CAMK1D: variants seen among roughly 807,000 people sequenced by gnomAD.
CAMK1D encodes calcium/calmodulin-dependent protein kinase type 1D.
In CAMK1D, 9 loss-of-function variants were observed where a neutral mutation model predicts 47.7. The observed-to-expected ratio is 0.19, with a 90% CI of 0.11 to 0.33. The LOEUF is 0.33. CAMK1D is among the 10% of genes least tolerant of loss of function. CAMK1D has a pLI of 1.00. For missense variants in CAMK1D, 291 were observed against 488.7 expected, an observed-to-expected ratio of 0.60 and a Z score of 3.81; for synonymous variants, 184 against 184.9, an observed-to-expected ratio of 0.99 and a Z score of 0.04.
intron 1 of CAMK1D, among the ~76,000 whole-genome samples, chr10:12,452,082 C>T (rs1269480854): frequency 1.3e-5 from 2 of 152,048 alleles, no homozygotes; most frequent in Non-Finnish European, 2.9e-5. Context: ...GTGGAGCAGG[C>T]GAGTCAGGTG....
intron 6 of CAMK1D, among the ~76,000 whole-genome samples, chr10:12,794,740 G>A (rs1396438256): frequency 6.6e-6 from 1 of 152,064 alleles, no homozygotes; most frequent in African/African-American, 2.4e-5. Context: ...AACTCTGTGA[G>A]TCCCAAGCAG....
intron 1 of CAMK1D, among the ~76,000 whole-genome samples, chr10:12,535,679 G>C (rs1285137830): frequency 6.6e-6 from 1 of 152,170 alleles, no homozygotes; most frequent in Non-Finnish European, 1.5e-5. Flanking sequence ...CTCAAATGTG[G>C]CTACTTCATG....
At chr10:12,389,372 A>C (rs972636764) in intron 1 of CAMK1D, among the ~76,000 whole-genome samples, 1 of 152,068 alleles carries the variant, frequency 6.6e-6, no homozygotes, top group African/African-American at 2.4e-5. Context: ...CCATCCCGAC[A>C]CTGCTCTCCT....
chr10:12,503,123 CAT>C (rs1834757322), intron 1 of CAMK1D, among the ~76,000 whole-genome samples: 3 of 152,272 alleles, frequency 2.0e-5, no homozygotes, highest in South Asian at 4.1e-4. Flanking sequence ...CGTGTGTACA[CAT>C]ATACATGTGC....
chr10:12,487,204 T>C (rs554774344), intron 1 of CAMK1D, among the ~76,000 whole-genome samples: 100 of 152,284 alleles, frequency 6.6e-4, no homozygotes, highest in African/African-American at 2.3e-3. Context: ...CGGTGTCAGC[T>C]GTCCCTCGCA....
chr10:12,496,744 T>C (rs1278388024), intron 1 of CAMK1D, among the ~76,000 whole-genome samples: 1 of 152,218 alleles, frequency 6.6e-6, no homozygotes, highest in African/African-American at 2.4e-5. Flanking sequence ...ATTTTTATTT[T>C]AAGTTCTGAG....
At chr10:12,776,652 C>T (rs915740635) in intron 5 of CAMK1D, among the ~76,000 whole-genome samples, 6 of 152,122 alleles carry the variant, frequency 3.9e-5, no homozygotes, top group Non-Finnish European at 7.4e-5. Context: ...TCATTAACAT[C>T]GATTCACAGC....
chr10:12,757,283 A>G (rs1167733708), intron 3 of CAMK1D, among the ~76,000 whole-genome samples: 1 of 151,992 alleles, frequency 6.6e-6, no homozygotes, highest in African/African-American at 2.4e-5. Flanking sequence ...TCATTTATTC[A>G]TTTTAATTTA....
intron 3 of CAMK1D, among the ~76,000 whole-genome samples, chr10:12,667,875 C>G (rs1394061731): frequency 6.6e-6 from 1 of 152,160 alleles, no homozygotes; most frequent in African/African-American, 2.4e-5. Context: ...CTTTCATGAT[C>G]TTCAAAATAT....
At chr10:12,713,578 A>G (rs1026690078) in intron 3 of CAMK1D, among the ~76,000 whole-genome samples, 40 of 152,228 alleles carry the variant, frequency 2.6e-4, no homozygotes, top group African/African-American at 8.7e-4. Flanking sequence ...GCGGACTAGG[A>G]TCCATGTTTG....
intron 1 of CAMK1D, among the ~76,000 whole-genome samples, chr10:12,432,118 C>T (rs1832496036): frequency 6.6e-6 from 1 of 152,176 alleles, no homozygotes. Context: ...AGACACTGGG[C>T]CGCGTTTCTC....
intron 3 of CAMK1D, among the ~76,000 whole-genome samples, chr10:12,672,758 A>C (rs1305653941): frequency 6.6e-6 from 1 of 152,160 alleles, no homozygotes; most frequent in African/African-American, 2.4e-5. Context: ...CATTTTTGTC[A>C]TAGGGCTATC....
intron 5 of CAMK1D, among the ~76,000 whole-genome samples, chr10:12,770,254 C>T (rs1836979752): frequency 6.6e-6 from 1 of 152,236 alleles, no homozygotes. Flanking sequence ...TCACTCTCAT[C>T]AATCAGTTAA....
At chr10:12,458,331 G>A (rs1322483584) in intron 1 of CAMK1D, among the ~76,000 whole-genome samples, 13 of 152,188 alleles carry the variant, frequency 8.5e-5, no homozygotes, top group Admixed American at 8.5e-4. Flanking sequence ...AGAGGAAGGC[G>A]AGAGGAGTCC....
chr10:12,609,155 G>C (rs1470974994), intron 2 of CAMK1D, among the ~76,000 whole-genome samples: 1 of 152,238 alleles, frequency 6.6e-6, no homozygotes, highest in Non-Finnish European at 1.5e-5. Context: ...GTGGGTCAGG[G>C]AGGGCTTCCT....
At chr10:12,507,675 G>C (rs1477045394) in intron 1 of CAMK1D, among the ~76,000 whole-genome samples, 1 of 152,140 alleles carries the variant, frequency 6.6e-6, no homozygotes, top group Non-Finnish European at 1.5e-5. Flanking sequence ...GTGGTGTCCT[G>C]AGGTTTGCGT....
rs141463400 is a variant in CAMK1D, at chr10:12,416,217, C to T, written c.92+66307C>T. 1.1e-3 allele frequency among the ~76,000 whole-genome samples: 166 copies of T among 151,736 alleles called. 2 individuals carry two copies. Among genetic ancestry groups the T allele is most frequent in the African/African-American group, 3.8e-3 (155 of 41,328 alleles). On this transcript the variant is annotated intron_variant, in intron 1 of 10. Transcript: ENST00000619168. ...CAGAATAATCTCTTTAAAAAAACAG[C>T]GTTAACTATATTAATGGAGAAGTCG...
intron 1 of CAMK1D, among the ~76,000 whole-genome samples, chr10:12,525,177 T>G (rs954347995): frequency 2.0e-5 from 3 of 152,226 alleles, no homozygotes; most frequent in African/African-American, 7.2e-5. Flanking sequence ...ATTTTTGATT[T>G]TTGGCAGTTT....
intron 6 of CAMK1D, among the ~76,000 whole-genome samples, chr10:12,799,371 GA>G (rs1564570602): frequency 6.6e-6 from 1 of 152,112 alleles, no homozygotes; most frequent in African/African-American, 2.4e-5. Flanking sequence ...AGCCTATGCA[GA>G]TGCGTAACTG....
Sources: gnomAD v4.1 joint callset for allele counts (sites outside exome capture counted in the v4.1 genomes callset) on GRCh38, gnomAD v4.1.1 for gene constraint, MANE v1.5 for transcripts, NCBI Gene and HGNC (gene_info 2026-07-23, HGNC 2026-07-21) for gene names.